TIAM1: variants seen among roughly 807,000 people sequenced by gnomAD.
TIAM1 encodes TIAM Rac1 associated GEF 1.
TIAM1 carries 65 observed loss-of-function variants against 163.5 expected under a neutral mutation model. The observed-to-expected ratio is 0.40, with a 90% CI of 0.33 to 0.49. The LOEUF (loss-of-function observed/expected upper bound fraction) is 0.49, where lower values mean the gene tolerates loss of function less well. Among genes scored for constraint, TIAM1 ranks in the 20% least tolerant of loss-of-function variants. The pLI, the probability that TIAM1 is intolerant of heterozygous loss-of-function variation, is 0.77. For synonymous variants in TIAM1, 833 were observed against 810.1 expected (o/e 1.03, Z -0.48); for missense variants, 1,789 against 2,044.7 (o/e 0.87, Z 2.41).
chr21:31,210,545 A>AG (rs1491156701), intron 10 of TIAM1, among the ~76,000 whole-genome samples: 3 of 97,462 alleles, frequency 3.1e-5, no homozygotes, highest in Non-Finnish European at 5.6e-5. Context: ...AAAGAAAGAA[A>AG]GAAAGAAAGA....
chr21:31,222,719 T>A (rs1298249811), intron 8 of TIAM1, among the ~76,000 whole-genome samples: 3 of 99,696 alleles, frequency 3.0e-5, no homozygotes, highest in African/African-American at 1.3e-4. Context: ...TTTTTTTTTT[T>A]TTTTTTTTTT....
At chr21:31,215,888 C>T (rs887995362) in intron 9 of TIAM1, among the ~76,000 whole-genome samples, 9 of 152,148 alleles carry the variant, frequency 5.9e-5, no homozygotes, top group Non-Finnish European at 8.8e-5. Context: ...CAGCCAGGCA[C>T]GGTGGCCCAC....
At position 31,225,773 on chromosome 21, in the gene TIAM1, G is replaced by A; in HGVS notation, c.1762C>T (p.Leu588=). ...TTCTTTGAGTCAGTGACTGAAGACAGCTGCATTTCACCCATTTTCTTCATC... is the reference window on the plus strand; with the variant it reads ...TTCTTTGAGTCAGTGACTGAAGACAACTGCATTTCACCCATTTTCTTCATC... ...EKMKKMGEMQ[L]SSVTDSKKKK... is the part of the protein sequence containing the mutation. The change falls in exon 7 of 28, where the codon CTG becomes TTG. Residue 588 remains leucine, a synonymous_variant. Coordinates refer to ENST00000541036, the MANE Select transcript of TIAM1 (RefSeq NM_001353694.2). 1 of 1,613,772 alleles carries A rather than the reference G, an allele frequency of 6.2e-7. No individual in the cohort carries two copies.
chr21:31,142,891 T>C (rs867195829), intron 20 of TIAM1, among the ~76,000 whole-genome samples: 41 of 151,700 alleles, frequency 2.7e-4, no homozygotes, highest in African/African-American at 9.7e-4. Flanking sequence ...CCCTGGGGAG[T>C]TGTGGGACCC....
chr21:31,471,294 G>A (rs1405750796), intron 1 of TIAM1, among the ~76,000 whole-genome samples: 4 of 152,192 alleles, frequency 2.6e-5, no homozygotes, highest in Non-Finnish European at 4.4e-5. Flanking sequence ...GAGCTGTGTG[G>A]GGAGGATCAG....
At position 31,119,811 on chromosome 21, in the gene TIAM1, G is replaced by GA. The variant is rs56411753; in HGVS notation, c.*556dup. 0.42 allele frequency: 62,105 copies of GA among 147,016 alleles called. 13,528 individuals carry two copies. Among genetic ancestry groups the GA allele is most frequent in the East Asian group, 0.61 (3,035 of 5,016 alleles). 9.1% of individuals were successfully genotyped at this position (147,016 alleles called of 1,614,324 possible). ...ACCAGCCATAGACCAAAACAGGAAG[G>GA]AAAAAAAAAAAGAGGCTCATTGAAA... On this transcript the variant is annotated 3_prime_UTR_variant, in exon 28 of 28. Coordinates refer to ENST00000541036, the MANE Select transcript of TIAM1 (RefSeq NM_001353694.2).
chr21:31,271,241 G>GA lies in TIAM1; in HGVS notation c.-11-4259dup, dbSNP rs3216553. ...TAAAAAAAACACCAAAAACCCAAAA[G>GA]AAAAAAAAAAATACTGGAATGAATG... On this transcript the variant is annotated intron_variant, in intron 3 of 27. Transcript: ENST00000541036. 3.5e-3 allele frequency among the ~76,000 whole-genome samples: 489 copies of GA among 139,340 alleles called. 1 individual carries two copies. The highest frequency in any genetic ancestry group is 9.3e-3 in the African/African-American group (363 of 38,824). 91.4% of individuals were successfully genotyped at this position (139,340 alleles called of 152,430 possible). A position where few individuals can be genotyped will look rare whatever the true frequency, so the allele number is the denominator to read the frequency against.
chr21:31,209,361 T>G (rs958007882), intron 11 of TIAM1, among the ~76,000 whole-genome samples: 6 of 152,214 alleles, frequency 3.9e-5, no homozygotes, highest in Non-Finnish European at 8.8e-5. Flanking sequence ...TTCACCTGGC[T>G]GCCCTTCACG....
intron 2 of TIAM1, among the ~76,000 whole-genome samples, chr21:31,444,485 G>A (rs938130547): frequency 6.6e-6 from 1 of 151,238 alleles, no homozygotes; most frequent in African/African-American, 2.4e-5. Flanking sequence ...TGTGCTCTGG[G>A]ACTTTACTAG....
At chr21:31,206,419 G>A (rs1569023682) in intron 11 of TIAM1, among the ~76,000 whole-genome samples, 2 of 152,120 alleles carry the variant, frequency 1.3e-5, no homozygotes, top group African/African-American at 4.8e-5. Flanking sequence ...AAATGTTAAT[G>A]AATATTTAAA....
intron 1 of TIAM1, among the ~76,000 whole-genome samples, chr21:31,500,449 G>C (rs550887936): frequency 0.18 from 22 of 120 alleles, no homozygotes; most frequent in African/African-American, 0.37. Context: ...GCTGACATCA[G>C]GCCAGCACAC....
intron 1 of TIAM1, among the ~76,000 whole-genome samples, chr21:31,510,446 C>A (rs145725716): frequency 6.6e-6 from 1 of 152,156 alleles, no homozygotes; most frequent in Non-Finnish European, 1.5e-5. Context: ...CACATTCTGG[C>A]GTAATGAGGG....
At chr21:31,314,212 T>G (rs574002613) in intron 2 of TIAM1, among the ~76,000 whole-genome samples, 10 of 152,324 alleles carry the variant, frequency 6.6e-5, no homozygotes, top group African/African-American at 2.2e-4. Flanking sequence ...AATGGTTAAC[T>G]AGTGGCCAAT....
chr21:31,501,294 C>T (rs986470610), intron 1 of TIAM1, among the ~76,000 whole-genome samples: 1 of 152,130 alleles, frequency 6.6e-6, no homozygotes, highest in African/African-American at 2.4e-5. Context: ...TCAGTTACAA[C>T]GGTGAAGAAC....
At chr21:31,185,642 T>C (rs1568989222) in intron 14 of TIAM1, among the ~76,000 whole-genome samples, 1 of 145,814 alleles carries the variant, frequency 6.9e-6, no homozygotes, top group Non-Finnish European at 1.5e-5. Context: ...CATTATATGA[T>C]AATTATATTA....
intron 1 of TIAM1, among the ~76,000 whole-genome samples, chr21:31,507,736 C>T (rs566968898): frequency 1.4e-4 from 21 of 152,292 alleles, no homozygotes; most frequent in African/African-American, 5.1e-4. Context: ...AGGCAGCTAT[C>T]TGGAGCAGAC....
intron 2 of TIAM1, among the ~76,000 whole-genome samples, chr21:31,408,317 G>A (rs1168114398): frequency 6.6e-6 from 1 of 152,130 alleles, no homozygotes; most frequent in African/African-American, 2.4e-5. Flanking sequence ...TGAAAATTTA[G>A]GTCACTGACA....
chr21:31,233,218 A>C (rs781689373), intron 6 of TIAM1, among the ~76,000 whole-genome samples: 2 of 152,240 alleles, frequency 1.3e-5, no homozygotes, highest in Non-Finnish European at 2.9e-5. Flanking sequence ...AGTTTATAGA[A>C]GCACAAGAAT....
chr21:31,454,685 A>G (rs1020775055), intron 2 of TIAM1, among the ~76,000 whole-genome samples: 48 of 152,236 alleles, frequency 3.2e-4, no homozygotes, highest in Non-Finnish European at 7.3e-5. Flanking sequence ...TTGACCAAAT[A>G]AGTAAAGATA....
Sources: allele counts gnomAD v4.1 joint callset (sites outside exome capture counted in the v4.1 genomes callset), GRCh38; gene constraint gnomAD v4.1.1; transcripts MANE v1.5; gene names NCBI Gene and HGNC (gene_info 2026-07-23, HGNC 2026-07-21).